Variants in CAMSAP2 observed in about 807,000 individuals in gnomAD.
CAMSAP2 encodes calmodulin regulated spectrin associated protein family member 2, also known as calmodulin-regulated spectrin-associated protein 2.
CAMSAP2 carries 26 observed loss-of-function variants against 146.1 expected under a neutral mutation model. The observed-to-expected ratio is 0.18, with a 90% CI of 0.13 to 0.25. CAMSAP2 has a LOEUF of 0.25. Among genes scored for constraint, CAMSAP2 ranks in the 10% least tolerant of loss-of-function variants. The pLI, the probability that CAMSAP2 is intolerant of heterozygous loss-of-function variation, is 1.00. For synonymous variants in CAMSAP2, 499 were observed against 596.6 expected (o/e 0.84, Z 2.38); for missense variants, 1,381 against 1,759.3 (o/e 0.78, Z 3.85).
At chr1:200,755,612 G>A (rs935509241) in intron 1 of CAMSAP2, among the ~76,000 whole-genome samples, 3 of 152,214 alleles carry the variant, frequency 2.0e-5, no homozygotes, top group Non-Finnish European at 2.9e-5. Flanking sequence ...AGGTAATAAT[G>A]TAGAGGGCAG....
intron 4 of CAMSAP2, among the ~76,000 whole-genome samples, chr1:200,816,452 G>C (rs181945567): frequency 6.7e-6 from 1 of 149,326 alleles, no homozygotes; most frequent in East Asian, 2.0e-4. Flanking sequence ...AAATTAGCCA[G>C]GCGTGGTGGC....
chr1:200,750,627 CTTTT>C (rs11342306), intron 1 of CAMSAP2, among the ~76,000 whole-genome samples: 1 of 143,022 alleles, frequency 7.0e-6, no homozygotes, highest in Non-Finnish European at 1.5e-5. Flanking sequence ...ATAGATACAT[CTTTT>C]TTTTTTTTTT....
chr1:200,817,411 T>G (rs1053015445), intron 4 of CAMSAP2, among the ~76,000 whole-genome samples: 1 of 152,136 alleles, frequency 6.6e-6, no homozygotes, highest in African/African-American at 2.4e-5. Flanking sequence ...TAGTTGTGTG[T>G]TTGTCATATG....
At position 200,844,442 on chromosome 1, in the gene CAMSAP2, G is replaced by A. The variant is rs113223097; in HGVS notation, c.1022-340G>A. 3.3e-3 allele frequency among the ~76,000 whole-genome samples: 494 copies of A among 151,988 alleles called. 6 individuals are homozygous for A. The highest frequency in any genetic ancestry group is 0.011 in the African/African-American group (472 of 41,486). On this transcript the variant is annotated intron_variant, in intron 7 of 16. Coordinates refer to ENST00000358823, the MANE Select transcript of CAMSAP2 (RefSeq NM_203459.4). ...GGGTGCCTGTAGTCCCAGCTGCTTG[G>A]GAGGCTGAGGCAGGAGAATTGCTTG...
At chr1:200,750,461 A>G (rs919384349) in intron 1 of CAMSAP2, among the ~76,000 whole-genome samples, 4 of 152,126 alleles carry the variant, frequency 2.6e-5, no homozygotes, top group Non-Finnish European at 4.4e-5. Flanking sequence ...ATGTGTAAGA[A>G]TAGTATAAAG....
chr1:200,813,787 AGT>A (rs1326571214), intron 3 of CAMSAP2, among the ~76,000 whole-genome samples: 1 of 152,134 alleles, frequency 6.6e-6, no homozygotes, highest in African/African-American at 2.4e-5. Flanking sequence ...TGAATTAGAA[AGT>A]GTTTGTTTTT....
At chr1:200,850,787 G>C (rs1215914820) in intron 11 of CAMSAP2, among the ~76,000 whole-genome samples, 2 of 152,182 alleles carry the variant, frequency 1.3e-5, no homozygotes, top group Non-Finnish European at 2.9e-5. Flanking sequence ...TGACTGGGCT[G>C]TCTGTCTCCA....
chr1:200,817,162 A>T (rs1187549727), intron 4 of CAMSAP2, among the ~76,000 whole-genome samples: 1 of 90,780 alleles, frequency 1.1e-5, no homozygotes, highest in African/African-American at 5.4e-5. Flanking sequence ...ACACATACAC[A>T]CACGTGTGTG....
At chr1:200,788,147 A>G (rs1309838066) in intron 2 of CAMSAP2, among the ~76,000 whole-genome samples, 2 of 152,172 alleles carry the variant, frequency 1.3e-5, no homozygotes, top group African/African-American at 4.8e-5. Context: ...GCCTTTTCAC[A>G]TTGACTTTTT....
At chr1:200,850,663 A>C (rs1488692215) in intron 11 of CAMSAP2, among the ~76,000 whole-genome samples, 1 of 152,158 alleles carries the variant, frequency 6.6e-6, no homozygotes, top group East Asian at 1.9e-4. Flanking sequence ...AACAAAGGGG[A>C]AGAAAATCAT....
chr1:200,807,540 A>G lies in CAMSAP2; in HGVS notation c.561+3A>G. 6.3e-7 allele frequency: 1 copy of G among 1,582,458 alleles called. No homozygotes were observed. The highest frequency in any genetic ancestry group is 8.6e-7 in the Non-Finnish European group (1 of 1,164,604). Reference sequence around the variant, plus strand: ...CTGTCATGTACTGGATAAATAAGGTAGGATTATACTCACTTGAGTAAATCG... The same window carrying G: ...CTGTCATGTACTGGATAAATAAGGTGGGATTATACTCACTTGAGTAAATCG... On this transcript the variant is annotated splice_donor_region_variant and intron_variant, in intron 3 of 16. Transcript: ENST00000358823.
At chr1:200,780,867 C>CT (rs1347749335) in intron 2 of CAMSAP2, among the ~76,000 whole-genome samples, 1 of 152,150 alleles carries the variant, frequency 6.6e-6, no homozygotes, top group African/African-American at 2.4e-5. Flanking sequence ...ATGACTTTTT[C>CT]TTTTCTGTTT....
intron 2 of CAMSAP2, among the ~76,000 whole-genome samples, chr1:200,795,135 G>A (rs1665851690): frequency 1.3e-5 from 2 of 152,298 alleles, no homozygotes; most frequent in South Asian, 2.1e-4. Flanking sequence ...ATGTGGGGAA[G>A]TATTAGAAGA....
chr1:200,775,187 A>G (rs961443292), intron 2 of CAMSAP2, among the ~76,000 whole-genome samples: 4 of 152,254 alleles, frequency 2.6e-5, no homozygotes, highest in African/African-American at 7.2e-5. Context: ...CTGGCAGATG[A>G]TCTGGAAAAA....
rs1667800339 is a variant in CAMSAP2 at position 200,858,437 on chromosome 1, T to C, written c.*378T>C. On this transcript the variant is annotated 3_prime_UTR_variant, in exon 17 of 17. Transcript: ENST00000358823. ...TTGTTGCTTTTTTTTAACCTTTTAATGTATATTCTTGTCTTCAGATGGTTT... is the reference window on the plus strand; with the variant it reads ...TTGTTGCTTTTTTTTAACCTTTTAACGTATATTCTTGTCTTCAGATGGTTT... 1 of 160,646 alleles carries C rather than the reference T, an allele frequency of 6.2e-6. No individual in the cohort carries two copies. Among genetic ancestry groups the C allele is most frequent in the Non-Finnish European group, 1.4e-5 (1 of 73,486 alleles). 10.0% of individuals were successfully genotyped at this position (160,646 alleles called of 1,614,324 possible). A position where few individuals can be genotyped will look rare whatever the true frequency, so the allele number is the denominator to read the frequency against.
chr1:200,836,030 A>G (rs2102225005), intron 6 of CAMSAP2, among the ~76,000 whole-genome samples: 1 of 152,094 alleles, frequency 6.6e-6, no homozygotes, highest in Middle Eastern at 3.4e-3. Context: ...GGCTTTGGTC[A>G]CTTTCTATGT....
intron 1 of CAMSAP2, among the ~76,000 whole-genome samples, chr1:200,740,415 C>G (rs1251063765): frequency 1.3e-5 from 2 of 152,052 alleles, no homozygotes; most frequent in Non-Finnish European, 2.9e-5. Flanking sequence ...ATGATGGCTG[C>G]TATTCAGGCT....
intron 1 of CAMSAP2, among the ~76,000 whole-genome samples, chr1:200,741,599 C>T (rs1448003787): frequency 6.6e-6 from 1 of 152,176 alleles, no homozygotes; most frequent in African/African-American, 2.4e-5. Flanking sequence ...ATTTTCTTTC[C>T]ATCTGGAACT....
chr1:200,775,368 C>T (rs1315071483), intron 2 of CAMSAP2, among the ~76,000 whole-genome samples: 2 of 152,076 alleles, frequency 1.3e-5, no homozygotes, highest in Non-Finnish European at 2.9e-5. Context: ...AAGTGAAGCT[C>T]TATAAGCCAG....
Sources: allele counts gnomAD v4.1 joint callset (sites outside exome capture counted in the v4.1 genomes callset), GRCh38; gene constraint gnomAD v4.1.1; transcripts MANE v1.5; gene names NCBI Gene and HGNC (gene_info 2026-07-23, HGNC 2026-07-21).